The following DEPDC5 variants were observed in gnomAD, a reference collection of about 807,000 sequenced individuals.
DEPDC5 encodes the protein GATOR1 complex protein DEPDC5.
A neutral mutation model predicts 217.3 loss-of-function variants in DEPDC5; 73 were observed. That is an observed-to-expected ratio of 0.34 (90% CI 0.28 to 0.41). The LOEUF is 0.41. Among genes scored for constraint, DEPDC5 ranks in the 10% least tolerant of loss-of-function variants. DEPDC5 has a pLI of 1.00. For missense variants in DEPDC5, 1,675 were observed against 2,070.1 expected (o/e 0.81, Z 3.70); for synonymous variants, 733 against 756.7 (o/e 0.97, Z 0.51).
chr22:31,904,783 T>C (rs1190921610), intron 41 of DEPDC5, among the ~76,000 whole-genome samples: 1 of 152,220 alleles, frequency 6.6e-6, no homozygotes, highest in Non-Finnish European at 1.5e-5. Context: ...CCTCATCATA[T>C]AATCAGCCTG....
chr22:31,789,235 A>G (rs1275420681), intron 10 of DEPDC5, among the ~76,000 whole-genome samples: 1 of 152,252 alleles, frequency 6.6e-6, no homozygotes, highest in African/African-American at 2.4e-5. Flanking sequence ...AACACAAATA[A>G]CAAATGTCTG....
In DEPDC5 at chr22:31,879,652, T is replaced by G; in HGVS notation, c.3933T>G (p.Phe1311Leu). 1 of 1,614,112 alleles carries G rather than the reference T, an allele frequency of 6.2e-7. No individual in the cohort carries two copies. Among genetic ancestry groups the G allele is most frequent in the Non-Finnish European group, 8.5e-7 (1 of 1,180,020 alleles). Residue 1311 changes from phenylalanine to leucine, a missense_variant, in exon 38 of 43, where the codon TTT (phenylalanine) becomes TTG (leucine). Physicochemically the swap from Phe to Leu is conservative, Grantham distance 22 (BLOSUM62 0). Transcript: ENST00000651528. ...EELVHSEIPA[F>L]LLPWLPSRPA... ...TCGTGCACTCTGAGATTCCTGCCTT[T>G]CTCCTGCCCTGGCTGCCTAGCCGGC...
In DEPDC5 at chr22:31,900,365, T is replaced by C. The variant is rs576827363; in HGVS notation, c.4376-1377T>C. On this transcript the variant is annotated intron_variant, in intron 40 of 42. Coordinates refer to ENST00000651528, the MANE Select transcript of DEPDC5 (RefSeq NM_001242896.3). ...CCTGGCCCAAATTTTTATTTTTATA[T>C]TTATTTGCTTCAATTTTCCTACCTC... Among the ~76,000 whole-genome samples, 4 of 152,132 alleles carry C rather than the reference T, an allele frequency of 2.6e-5. No homozygotes were observed. The South Asian group carries it at 6.2e-4, about 24-fold the overall frequency.
At chr22:31,864,852 A>AT (rs2092642088) in intron 33 of DEPDC5, among the ~76,000 whole-genome samples, 1 of 151,956 alleles carries the variant, frequency 6.6e-6, no homozygotes. Flanking sequence ...CCACAGCCAG[A>AT]TATTTTTTTT....
At chr22:31,896,175 A>T (rs2093549152) in intron 39 of DEPDC5, among the ~76,000 whole-genome samples, 1 of 152,164 alleles carries the variant, frequency 6.6e-6, no homozygotes, top group African/African-American at 2.4e-5. Context: ...GAAAGCTGCT[A>T]ATCTCTTTAT....
chr22:31,897,976 C>G (rs2093583563), intron 40 of DEPDC5, among the ~76,000 whole-genome samples: 1 of 152,182 alleles, frequency 6.6e-6, no homozygotes, highest in Non-Finnish European at 1.5e-5. Context: ...CCCACGCTCT[C>G]CTTTCATATG....
chr22:31,825,911 G>A (rs754054526), intron 24 of DEPDC5, among the ~76,000 whole-genome samples: 1 of 152,170 alleles, frequency 6.6e-6, no homozygotes, highest in Non-Finnish European at 1.5e-5. Context: ...CTTAGGACAT[G>A]AGGCCTGACT....
At chr22:31,902,296 C>T (rs1017632228) in intron 41 of DEPDC5, among the ~76,000 whole-genome samples, 3 of 151,654 alleles carry the variant, frequency 2.0e-5, no homozygotes, top group African/African-American at 7.3e-5. Flanking sequence ...CAAACATCAC[C>T]AGCCTGGTAT....
intron 41 of DEPDC5, among the ~76,000 whole-genome samples, chr22:31,905,067 A>G (rs1401003556): frequency 6.6e-6 from 1 of 152,172 alleles, no homozygotes; most frequent in Non-Finnish European, 1.5e-5. Context: ...TAGAACTGTA[A>G]TAAATGTGCC....
intron 12 of DEPDC5, among the ~76,000 whole-genome samples, chr22:31,795,958 G>A (rs1255608936): frequency 2.0e-5 from 3 of 152,098 alleles, no homozygotes; most frequent in Non-Finnish European, 4.4e-5. Flanking sequence ...TCAAACTCCC[G>A]ACCTCAGGTG....
intron 4 of DEPDC5, among the ~76,000 whole-genome samples, chr22:31,762,188 A>ATT (rs2082448537): frequency 6.6e-6 from 1 of 152,110 alleles, no homozygotes; most frequent in African/African-American, 2.4e-5. Flanking sequence ...ATGATCGCCC[A>ATT]CCACATTGTG....
Position 31,766,576 on chromosome 22 carries a change from T to A in DEPDC5, c.280-9T>A. On this transcript the variant is annotated splice_polypyrimidine_tract_variant and intron_variant, in intron 5 of 42. Transcript: ENST00000651528. Reference sequence around the variant, plus strand: ...AATGTCAGAGATATCATTTGATTATTCCTTTTAGGATGTGACCCTTGACCT... The same window carrying A: ...AATGTCAGAGATATCATTTGATTATACCTTTTAGGATGTGACCCTTGACCT... 1.2e-6 allele frequency: 2 copies of A among 1,612,996 alleles called. No individual in the cohort carries two copies. The highest frequency in any genetic ancestry group is 1.7e-4 in the Middle Eastern group (1 of 6,058).
intron 22 of DEPDC5, 41 bp from the exon 23 acceptor site, chr22:31,821,461 A>G (rs745873623): frequency 1.1e-5 from 18 of 1,609,906 alleles, no homozygotes; most frequent in Admixed American, 5.0e-5. Context: ...AGCACTAGCT[A>G]TCAGGTGGGA....
At chr22:31,821,991 G>T (rs1001307454) in intron 23 of DEPDC5, among the ~76,000 whole-genome samples, 1 of 152,222 alleles carries the variant, frequency 6.6e-6, no homozygotes, top group Non-Finnish European at 1.5e-5. Context: ...CATGCTGTGT[G>T]TTTTGGGCAA....
chr22:31,861,544 C>G, intron 33 of DEPDC5, 111 bp downstream of exon 33: 1 of 1,131,990 alleles, frequency 8.8e-7, no homozygotes, highest in Non-Finnish European at 1.3e-6. Flanking sequence ...GTTTGGGGGG[C>G]AGTTGAACTT....
At chr22:31,834,811 G>T (rs1448273258) in intron 25 of DEPDC5, among the ~76,000 whole-genome samples, 1 of 152,016 alleles carries the variant, frequency 6.6e-6, no homozygotes, top group Non-Finnish European at 1.5e-5. Context: ...TTACAGCCGT[G>T]AGCCACCTCG....
chr22:31,796,703 CT>C (rs113834826), intron 12 of DEPDC5, among the ~76,000 whole-genome samples: 16,554 of 146,398 alleles, frequency 0.11, 1,319 homozygotes, highest in African/African-American at 0.24. Context: ...AGTGAGTGCT[CT>C]TTTTTTTTTT....
intron 37 of DEPDC5, among the ~76,000 whole-genome samples, chr22:31,877,774 A>AC (rs2093045773): frequency 1.5e-5 from 2 of 135,504 alleles, no homozygotes; most frequent in Admixed American, 7.5e-5. Flanking sequence ...AAAAAAAAAA[A>AC]CAGCAAAAAC....
rs763518514 is a variant in DEPDC5 at position 31,806,153 on chromosome 22, A to G, written c.1249A>G (p.Asn417Asp). 4.3e-6 allele frequency: 7 copies of G among 1,613,998 alleles called. No individual in the cohort carries two copies. In the Admixed American group the frequency reaches 1.2e-4, roughly 27 times the overall value. The change falls in exon 18 of 43, where the codon AAT becomes GAT. Residue 417 changes from asparagine to aspartate, a missense_variant. Physicochemically the swap from Asn to Asp is conservative, Grantham distance 23. This residue lies in a region of DEPDC5 where 628 missense variants were observed against 762.1 expected (regional missense o/e 0.82). Coordinates refer to ENST00000651528, the MANE Select transcript of DEPDC5 (RefSeq NM_001242896.3). ...CACATCCAAAAGCCAGCTCTTTTGT[A>G]ATAGTTTCACCCCACGAATAAAACT... ...FYTSKSQLFC[N>D]SFTPRIKLAG...
Sources: allele counts gnomAD v4.1 joint callset (sites outside exome capture counted in the v4.1 genomes callset), GRCh38; gene constraint gnomAD v4.1.1; regional missense constraint gnomAD v4.1.1; transcripts MANE v1.5; gene names NCBI Gene and HGNC (gene_info 2026-07-23, HGNC 2026-07-21).